Variants in MACROD2 observed in about 807,000 individuals in gnomAD.
MACROD2 encodes the protein mono-ADP ribosylhydrolase 2, also known as ADP-ribose glycohydrolase MACROD2.
In MACROD2, 36 loss-of-function variants were observed where a neutral mutation model predicts 70.4. The ratio of observed to expected loss-of-function variants is 0.51; its 90% confidence interval spans 0.39 to 0.68. The LOEUF (loss-of-function observed/expected upper bound fraction) is 0.68, where lower values mean the gene tolerates loss of function less well. Among genes scored for constraint, MACROD2 ranks in the 30% least tolerant of loss-of-function variants. The probability of loss-of-function intolerance (pLI) is 0.00; values close to 1 mark genes in which losing one functional copy is unlikely to be tolerated. For synonymous variants in MACROD2, 172 were observed against 178.8 expected (o/e 0.96, Z 0.30); for missense variants, 496 against 538.4 (o/e 0.92, Z 0.78).
At chr20:14,663,130 T>C (rs6042845) in intron 4 of MACROD2, among the ~76,000 whole-genome samples, 36,035 of 151,906 alleles carry the variant, frequency 0.24, 7,337 homozygotes, top group African/African-American at 0.54. Flanking sequence ...GGTATATATA[T>C]ACCATGGAAT....
At chr20:14,687,769 A>G (rs1163280766) in intron 5 of MACROD2, among the ~76,000 whole-genome samples, 1 of 152,202 alleles carries the variant, frequency 6.6e-6, no homozygotes, top group Non-Finnish European at 1.5e-5. Context: ...ACCTCATAAA[A>G]GTCATAAACA....
At chr20:15,093,818 A>C (rs780469095) in intron 5 of MACROD2, among the ~76,000 whole-genome samples, 17 of 152,302 alleles carry the variant, frequency 1.1e-4, no homozygotes, top group South Asian at 8.3e-4. Context: ...GAAAACTTTT[A>C]TAGTACTTAG....
chr20:14,861,761 CT>C lies in MACROD2; in HGVS notation c.418+176806del. Among the ~76,000 whole-genome samples the C allele has an allele frequency of 3.3e-5, 5 of 150,356 alleles. No individual in the cohort carries two copies. In the Admixed American group the frequency reaches 3.4e-4, roughly 10 times the overall value. ...TGCCATCTTGGCATTGAGCTGGGCA[CT>C]TTTAGGTGGAATGACCTCCCGAAGG... On this transcript the variant is annotated intron_variant, in intron 5 of 17. Transcript: ENST00000684519.
At chr20:14,594,694 C>A (rs968086877) in intron 4 of MACROD2, among the ~76,000 whole-genome samples, 1 of 152,196 alleles carries the variant, frequency 6.6e-6, no homozygotes, top group African/African-American at 2.4e-5. Flanking sequence ...GAGTTTGAGA[C>A]CAGCCTGGCC....
At chr20:15,425,749 A>G (rs1239567146) in intron 6 of MACROD2, among the ~76,000 whole-genome samples, 1 of 152,178 alleles carries the variant, frequency 6.6e-6, no homozygotes, top group East Asian at 1.9e-4. Flanking sequence ...AGGTGGAGTC[A>G]TTTCTACCCA....
intron 12 of MACROD2, among the ~76,000 whole-genome samples, chr20:15,938,492 A>G (rs1452807929): frequency 1.3e-5 from 2 of 152,092 alleles, no homozygotes; most frequent in African/African-American, 4.8e-5. Context: ...TGTTACTATT[A>G]TAATTGTTTT....
At chr20:15,236,931 G>A in intron 6 of MACROD2, among the ~76,000 whole-genome samples, 1 of 151,804 alleles carries the variant, frequency 6.6e-6, no homozygotes. Flanking sequence ...GCCTTTTTTT[G>A]TCTAAACCAG....
intron 3 of MACROD2, among the ~76,000 whole-genome samples, chr20:14,212,368 A>T (rs1007485522): frequency 6.6e-6 from 1 of 152,160 alleles, no homozygotes; most frequent in Non-Finnish European, 1.5e-5. Flanking sequence ...GTTACTTAAG[A>T]GGAAAAAAGC....
chr20:15,836,016 T>C (rs1320542142), intron 8 of MACROD2, among the ~76,000 whole-genome samples: 1 of 152,194 alleles, frequency 6.6e-6, no homozygotes, highest in Non-Finnish European at 1.5e-5. Context: ...GGCAGAGCTG[T>C]CAGAAGCAGA....
At chr20:14,222,829 A>G (rs1294978829) in intron 3 of MACROD2, among the ~76,000 whole-genome samples, 19 of 57,278 alleles carry the variant, frequency 3.3e-4, no homozygotes, top group Admixed American at 3.8e-4. Flanking sequence ...AAAAAAAAAA[A>G]AAAAAAAAAA....
chr20:16,024,778 G>T (rs569953495), intron 15 of MACROD2, among the ~76,000 whole-genome samples: 4 of 152,218 alleles, frequency 2.6e-5, no homozygotes, highest in Non-Finnish European at 4.4e-5. Context: ...GGGGGAGGGG[G>T]TGTTCCTGCT....
At chr20:14,955,117 T>A in intron 5 of MACROD2, among the ~76,000 whole-genome samples, 1 of 29,332 alleles carries the variant, frequency 3.4e-5, no homozygotes, top group African/African-American at 1.3e-4. Context: ...ATATTATATA[T>A]AACTTATATA....
At position 15,091,734 on chromosome 20, in the gene MACROD2, C is replaced by T. The variant is rs141981961; in HGVS notation, c.419-138206C>T. ...TGAAATAATGAAAAAGCTTCTGAAA[C>T]ACAATATGCATTTTTTAATCTAGTA... On this transcript the variant is annotated intron_variant, in intron 5 of 17. Coordinates refer to ENST00000684519, the MANE Select transcript of MACROD2 (RefSeq NM_001351661.2). 6.4e-4 allele frequency among the ~76,000 whole-genome samples: 98 copies of T among 152,150 alleles called. 2 individuals are homozygous for T. The highest frequency in any genetic ancestry group is 4.6e-4 in the Non-Finnish European group (31 of 67,980).
intron 5 of MACROD2, among the ~76,000 whole-genome samples, chr20:14,885,772 C>T (rs2073666907): frequency 6.6e-6 from 1 of 152,192 alleles, no homozygotes; most frequent in Non-Finnish European, 1.5e-5. Flanking sequence ...TTCCTTCTTA[C>T]CATCCTCCAT....
At chr20:14,575,284 G>T (rs145854767) in intron 4 of MACROD2, among the ~76,000 whole-genome samples, 24 of 151,982 alleles carry the variant, frequency 1.6e-4, no homozygotes, top group African/African-American at 5.3e-4. Context: ...TAGTACAAAG[G>T]GTGGCATCAT....
At chr20:14,265,687 C>G (rs1182964295) in intron 3 of MACROD2, among the ~76,000 whole-genome samples, 2 of 151,934 alleles carry the variant, frequency 1.3e-5, no homozygotes, top group African/African-American at 2.4e-5. Context: ...CCTACTATAT[C>G]TCACATTTTA....
chr20:14,361,285 A>C (rs1379458547), intron 3 of MACROD2, among the ~76,000 whole-genome samples: 1 of 152,144 alleles, frequency 6.6e-6, no homozygotes, highest in Non-Finnish European at 1.5e-5. Context: ...CCATTTTTAA[A>C]TCATACCCTC....
chr20:14,970,401 T>G (rs567082851), intron 5 of MACROD2, among the ~76,000 whole-genome samples: 1 of 152,274 alleles, frequency 6.6e-6, no homozygotes, highest in South Asian at 2.1e-4. Flanking sequence ...TAAGTGTTTT[T>G]TCAAGCTACT....
At chr20:14,993,204 T>C (rs1487005368) in intron 5 of MACROD2, among the ~76,000 whole-genome samples, 3 of 152,120 alleles carry the variant, frequency 2.0e-5, no homozygotes, top group African/African-American at 7.2e-5. Flanking sequence ...GTGAACTTGT[T>C]TACAGTGGGA....
Sources: allele counts gnomAD v4.1 joint callset (sites outside exome capture counted in the v4.1 genomes callset), GRCh38; gene constraint gnomAD v4.1.1; transcripts MANE v1.5; gene names NCBI Gene and HGNC (gene_info 2026-07-23, HGNC 2026-07-21).